Variants in VPS36 observed in about 807,000 individuals in gnomAD.
VPS36 encodes the protein vacuolar protein-sorting-associated protein 36.
VPS36 carries 31 observed loss-of-function variants against 63.5 expected under a neutral mutation model. The ratio of observed to expected loss-of-function variants is 0.49; its 90% CI spans 0.37 to 0.66. The LOEUF is 0.66. Ranked by LOEUF, VPS36 falls within the 30% of genes least tolerant of loss-of-function variation. The pLI is 0.00. For synonymous variants in VPS36, 138 were observed against 157.2 expected, an observed-to-expected ratio of 0.88 and a Z score of 0.91; for missense variants, 338 against 463.7, an observed-to-expected ratio of 0.73 and a Z score of 2.49.
rs530026796 is a variant in VPS36, at chr13:52,414,336, C to T, written c.*1494G>A. The T allele has an allele frequency of 6.6e-6, 1 of 152,226 alleles. No homozygotes were observed. Among genetic ancestry groups the T allele is most frequent in the East Asian group, 1.9e-4 (1 of 5,182 alleles). The allele number at this position is 152,226 out of a possible 1,614,324, so 9.4% of individuals were successfully genotyped here. A position where few individuals can be genotyped will look rare whatever the true frequency, so the allele number is the denominator to read the frequency against. Reference sequence around the variant, plus strand: ...ACACTGAGTTACCCTCAAAATAAACCTGAGGCTGAGCAATGGGGGAACCAG... The same window carrying T: ...ACACTGAGTTACCCTCAAAATAAACTTGAGGCTGAGCAATGGGGGAACCAG... On this transcript the variant is annotated 3_prime_UTR_variant, in exon 14 of 14. Coordinates refer to ENST00000378060, the MANE Select transcript of VPS36 (RefSeq NM_016075.4).
chr13:52,423,684 C>T lies in VPS36; in HGVS notation c.775-45G>A, dbSNP rs780300640. 1.0e-5 allele frequency: 15 copies of T among 1,473,120 alleles called. No individual in the cohort carries two copies. In the African/African-American group the frequency reaches 1.1e-4, roughly 11 times the overall value. The allele number at this position is 1,473,120 out of a possible 1,614,324, so 91.3% of individuals were successfully genotyped here. ...TTAAAAAAGTATTATGTTACAATTA[C>T]ACCAGTTAGCATTTCTTAACAGAAA... On this transcript the variant is annotated intron_variant, in intron 9 of 13. Transcript: ENST00000378060.
intron 10 of VPS36, among the ~76,000 whole-genome samples, chr13:52,419,559 T>C (rs1324432256): frequency 6.6e-6 from 1 of 152,212 alleles, no homozygotes; most frequent in African/African-American, 2.4e-5. Flanking sequence ...GGTAAATTAG[T>C]ACAGCCACTA....
chr13:52,444,206 C>T (rs1439405441), intron 1 of VPS36, among the ~76,000 whole-genome samples: 1 of 152,032 alleles, frequency 6.6e-6, no homozygotes, highest in African/African-American at 2.4e-5. Flanking sequence ...GCCTATAATC[C>T]CAGCACTTTG....
intron 6 of VPS36, among the ~76,000 whole-genome samples, chr13:52,427,622 AT>A (rs1221211871): frequency 1.3e-5 from 2 of 151,678 alleles, no homozygotes; most frequent in African/African-American, 2.4e-5. Flanking sequence ...AAAAAAAAAA[AT>A]TTAAATTTTC....
intron 6 of VPS36, among the ~76,000 whole-genome samples, chr13:52,431,343 C>T (rs1958152400): frequency 1.3e-5 from 2 of 152,156 alleles, no homozygotes; most frequent in Admixed American, 1.3e-4. Flanking sequence ...TTGTTAGGCA[C>T]TTTATATTAA....
chr13:52,417,250 ATT>A, intron 11 of VPS36, 109 bp from the exon 12 acceptor site: 7 of 837,794 alleles, frequency 8.4e-6, no homozygotes, highest in Non-Finnish European at 1.4e-5. Flanking sequence ...TGAGGGCAAT[ATT>A]AAACAAAACA....
At chr13:52,421,180 A>G (rs902211069) in intron 10 of VPS36, among the ~76,000 whole-genome samples, 6 of 152,204 alleles carry the variant, frequency 3.9e-5, no homozygotes, top group African/African-American at 1.4e-4. Context: ...ATGAAATACT[A>G]TTCAGCACAA....
chr13:52,433,709 T>C lies in VPS36; in HGVS notation c.481A>G (p.Arg161Gly). ...TCTTTTCTTTTTTCTTCCAGTTTCC[T>C]TTCAATACCTACAATTCCTACAGCC... is the stretch of plus-strand genomic sequence containing the variant. ...IRAVGIVGIE[R>G]KLEEKRKETD... The change falls in exon 6 of 14, where the codon AGG (arginine) becomes GGG (glycine). Residue 161 changes from arginine to glycine, a missense_variant. Physicochemically the swap from Arg to Gly is moderately radical, Grantham distance 125 (BLOSUM62 -2). Transcript: ENST00000378060. 1 of 1,613,388 alleles carries C rather than the reference T, an allele frequency of 6.2e-7. No individual in the cohort carries two copies. The highest frequency in any genetic ancestry group is 8.5e-7 in the Non-Finnish European group (1 of 1,179,808).
chr13:52,417,887 T>A, intron 11 of VPS36, 105 bp downstream of exon 11: 1 of 862,558 alleles, frequency 1.2e-6, no homozygotes, highest in Non-Finnish European at 1.8e-6. Flanking sequence ...TCAAGAGAAA[T>A]AATCTGGCTT....
At chr13:52,446,660 G>C (rs1441674555) in intron 1 of VPS36, among the ~76,000 whole-genome samples, 3 of 151,676 alleles carry the variant, frequency 2.0e-5, no homozygotes, top group Non-Finnish European at 1.5e-5. Flanking sequence ...TACATGTTCA[G>C]TGTTGAAAAT....
At chr13:52,447,681 T>C (rs1334410562) in intron 1 of VPS36, among the ~76,000 whole-genome samples, 6 of 152,220 alleles carry the variant, frequency 3.9e-5, no homozygotes, top group Admixed American at 1.3e-4. Context: ...CTCACAGTTT[T>C]CTCAGCTATC....
intron 11 of VPS36, 54 bp downstream of exon 11, chr13:52,417,937 AC>A: frequency 6.6e-7 from 1 of 1,510,520 alleles, no homozygotes; most frequent in Non-Finnish European, 9.1e-7. Context: ...TTTCCCATCT[AC>A]CCCATGCAGA....
In VPS36 at chr13:52,415,769, T is replaced by C; in HGVS notation, c.*61A>G. The C allele has an allele frequency of 6.8e-7, 1 of 1,475,466 alleles. No individual in the cohort carries two copies. 91.4% of individuals were successfully genotyped at this position (1,475,466 alleles called of 1,614,324 possible). A position where few individuals can be genotyped will look rare whatever the true frequency, so the allele number is the denominator to read the frequency against. On this transcript the variant is annotated 3_prime_UTR_variant, in exon 14 of 14. Transcript: ENST00000378060. ...GATCGGGGTTTATCTCTTAGCTCAA[T>C]GTCATACAACCTCTACATGACGCAA...
intron 2 of VPS36, among the ~76,000 whole-genome samples, chr13:52,441,271 A>T (rs1297867095): frequency 6.6e-6 from 1 of 152,200 alleles, no homozygotes; most frequent in African/African-American, 2.4e-5. Flanking sequence ...ACAGTACAGT[A>T]TATAGTTTAT....
intron 1 of VPS36, 124 bp downstream of exon 1, chr13:52,450,375 C>G: frequency 8.1e-7 from 1 of 1,242,018 alleles, no homozygotes; most frequent in Non-Finnish European, 1.0e-6. Context: ...GCCTGCCGGG[C>G]CGCCGAGGGC....
At chr13:52,436,516 C>A in intron 3 of VPS36, 112 bp from the exon 4 acceptor site, 1 of 742,828 alleles carries the variant, frequency 1.3e-6, no homozygotes, top group Non-Finnish European at 2.2e-6. Context: ...CATGTAGAAA[C>A]AAACATCCCA....
intron 10 of VPS36, among the ~76,000 whole-genome samples, chr13:52,421,417 G>C (rs1037521483): frequency 1.3e-5 from 2 of 151,458 alleles, no homozygotes; most frequent in Non-Finnish European, 2.9e-5. Flanking sequence ...CAGATACAAA[G>C]TTACAGTTAA....
intron 4 of VPS36, chr13:52,435,908 C>A: frequency 6.1e-6 from 1 of 163,676 alleles, no homozygotes; most frequent in Non-Finnish European, 1.3e-5. Context: ...AGACAGACAG[C>A]CTGATTTAAA....
chr13:52,430,481 A>T (rs563689312), intron 6 of VPS36, among the ~76,000 whole-genome samples: 1 of 151,998 alleles, frequency 6.6e-6, no homozygotes, highest in Non-Finnish European at 1.5e-5. Context: ...AAATATAAAA[A>T]ATTAGCTGGG....
Sources: allele counts gnomAD v4.1 joint callset (sites outside exome capture counted in the v4.1 genomes callset), GRCh38; gene constraint gnomAD v4.1.1; transcripts MANE v1.5; gene names NCBI Gene and HGNC (gene_info 2026-07-23, HGNC 2026-07-21).